Variants in CCDC28A observed in about 807,000 individuals in gnomAD.
CCDC28A encodes coiled-coil domain containing 28A.
In CCDC28A, 24 loss-of-function variants were observed where a neutral mutation model predicts 22.1. That is an observed-to-expected ratio of 1.09 (90% confidence interval 0.79 to 1.53). CCDC28A has a LOEUF of 1.53. Among genes scored for constraint, CCDC28A ranks in the 40% most tolerant of loss-of-function variants. The probability of loss-of-function intolerance (pLI) is 0.00; values close to 1 mark genes in which losing one functional copy is unlikely to be tolerated. For missense variants in CCDC28A, 170 were observed against 210.7 expected (o/e 0.81, Z 1.20); for synonymous variants, 83 against 74.7 (o/e 1.11, Z -0.57).
chr6:138,782,607 AAC>A (rs1407413257), intron 3 of CCDC28A, among the ~76,000 whole-genome samples: 1 of 152,192 alleles, frequency 6.6e-6, no homozygotes, highest in African/African-American at 2.4e-5. Context: ...TACATACATA[AAC>A]ACAAACATAC....
intron 4 of CCDC28A, among the ~76,000 whole-genome samples, chr6:138,786,887 A>T (rs1050027722): frequency 5.3e-5 from 8 of 152,218 alleles, no homozygotes; most frequent in African/African-American, 1.9e-4. Flanking sequence ...AAGTGCTGGG[A>T]TCACAAGTGT....
chr6:138,786,848 T>G (rs1422345227), intron 4 of CCDC28A, among the ~76,000 whole-genome samples: 1 of 152,226 alleles, frequency 6.6e-6, no homozygotes, highest in Non-Finnish European at 1.5e-5. Flanking sequence ...ACTCCTGGAC[T>G]CAAGTGATCC....
At position 138,773,797 on chromosome 6, in the gene CCDC28A, G is replaced by T; in HGVS notation, c.-148G>T. 1 of 1,613,940 alleles carries T rather than the reference G, an allele frequency of 6.2e-7. No individual in the cohort carries two copies. Among genetic ancestry groups the T allele is most frequent in the African/African-American group, 1.3e-5 (1 of 75,046 alleles). On this transcript the variant is annotated 5_prime_UTR_variant, in exon 1 of 6. Transcript: ENST00000617445. ...AACAAACGGAGCTGCGGAGGAGCGGGTCCCGGGATGTGACCGGGGCTCTGC... is the reference window on the plus strand; with the variant it reads ...AACAAACGGAGCTGCGGAGGAGCGGTTCCCGGGATGTGACCGGGGCTCTGC...
intron 3 of CCDC28A, among the ~76,000 whole-genome samples, chr6:138,781,356 A>G (rs184661205): frequency 6.6e-6 from 1 of 152,342 alleles, no homozygotes; most frequent in Admixed American, 6.5e-5. Context: ...GCCACCAAAC[A>G]CAATGGCATA....
chr6:138,789,941 G>GC (rs1290546662), intron 5 of CCDC28A, among the ~76,000 whole-genome samples: 1 of 152,112 alleles, frequency 6.6e-6, no homozygotes, highest in Non-Finnish European at 1.5e-5. Context: ...GTGGTGTTAT[G>GC]CCCCCCATTT....
At chr6:138,778,007 G>A (rs1302262052) in intron 2 of CCDC28A, among the ~76,000 whole-genome samples, 1 of 151,868 alleles carries the variant, frequency 6.6e-6, no homozygotes, top group Non-Finnish European at 1.5e-5. Flanking sequence ...ATGGGTCATG[G>A]GCAGCACTTT....
chr6:138,789,771 G>A (rs1775143581), intron 5 of CCDC28A, among the ~76,000 whole-genome samples: 1 of 152,210 alleles, frequency 6.6e-6, no homozygotes, highest in African/African-American at 2.4e-5. Flanking sequence ...GTTGCAGTAA[G>A]TAGGGATCCT....
At chr6:138,783,268 C>CTTTTTT (rs36017020) in intron 3 of CCDC28A, among the ~76,000 whole-genome samples, 3 of 113,618 alleles carry the variant, frequency 2.6e-5, no homozygotes, top group African/African-American at 6.6e-5. Context: ...CGTTATTGAA[C>CTTTTTT]TTTTTTTTTT....
chr6:138,781,353 A>G (rs1265419540), intron 3 of CCDC28A, among the ~76,000 whole-genome samples: 1 of 152,202 alleles, frequency 6.6e-6, no homozygotes, highest in African/African-American at 2.4e-5. Context: ...TGAGCCACCA[A>G]ACACAATGGC....
At chr6:138,792,499 GA>G (rs34409315) in intron 5 of CCDC28A, among the ~76,000 whole-genome samples, 40,628 of 151,474 alleles carry the variant, frequency 0.27, 6,116 homozygotes, top group African/African-American at 0.41. Flanking sequence ...TCCAGCCAGG[GA>G]AACAAAGTGA....
intron 2 of CCDC28A, among the ~76,000 whole-genome samples, chr6:138,779,424 G>C (rs1774984124): frequency 6.6e-6 from 1 of 152,142 alleles, no homozygotes; most frequent in Non-Finnish European, 1.5e-5. Context: ...CTACAGAGTA[G>C]GGACTCCAAA....
chr6:138,780,427 A>G (rs982868189), intron 3 of CCDC28A, among the ~76,000 whole-genome samples: 3 of 152,194 alleles, frequency 2.0e-5, no homozygotes, highest in Admixed American at 2.0e-4. Flanking sequence ...TCATGAGGAT[A>G]TAAGAATAGT....
intron 4 of CCDC28A, 60 bp from the exon 5 acceptor site, chr6:138,788,306 A>G: frequency 1.7e-6 from 1 of 585,426 alleles, no homozygotes; most frequent in Non-Finnish European, 2.8e-6. Flanking sequence ...AGAAATAGTT[A>G]ACAACTATTT....
Position 138,793,061 on chromosome 6 carries a change from C to T in CCDC28A, c.*258C>T, listed in dbSNP as rs1311762861. 6 of 440,446 alleles carry T rather than the reference C, an allele frequency of 1.4e-5. No homozygotes were observed. In the Admixed American group the frequency reaches 2.3e-4, roughly 17 times the overall value. 27.3% of individuals were successfully genotyped at this position (440,446 alleles called of 1,614,324 possible). On this transcript the variant is annotated 3_prime_UTR_variant, in exon 6 of 6. Coordinates refer to ENST00000617445, the MANE Select transcript of CCDC28A (RefSeq NM_015439.3). ...GTGCTGCTGTGCTTCATATTGTTGC[C>T]TTATGGGATTATACTTGAAATGCAT...
chr6:138,779,009 C>T (rs1222317393), intron 2 of CCDC28A, among the ~76,000 whole-genome samples: 2 of 152,174 alleles, frequency 1.3e-5, no homozygotes, highest in Non-Finnish European at 2.9e-5. Flanking sequence ...CTCAGGTGAT[C>T]CTCCTGCCTG....
At chr6:138,782,018 C>T (rs1775029383) in intron 3 of CCDC28A, among the ~76,000 whole-genome samples, 1 of 152,174 alleles carries the variant, frequency 6.6e-6, no homozygotes, top group Non-Finnish European at 1.5e-5. Flanking sequence ...TACCTCCTTG[C>T]TTTAGCCCAT....
chr6:138,773,850 C>A lies in CCDC28A; in HGVS notation c.-95C>A, dbSNP rs1774879030. The A allele has an allele frequency of 6.2e-7, 1 of 1,613,994 alleles. No individual in the cohort carries two copies. Among genetic ancestry groups the A allele is most frequent in the Admixed American group, 1.7e-5 (1 of 60,002 alleles). On this transcript the variant is annotated 5_prime_UTR_variant, in exon 1 of 6. The change creates a new upstream start codon in the 5' untranslated region. Coordinates refer to ENST00000617445, the MANE Select transcript of CCDC28A (RefSeq NM_015439.3). ...GTGGCTGCGGCGGTGGCTTCTGAGGCTGTCGGGTCTTTGCGGGTTGCGGAA... is the reference window on the plus strand; with the variant it reads ...GTGGCTGCGGCGGTGGCTTCTGAGGATGTCGGGTCTTTGCGGGTTGCGGAA...
At chr6:138,778,191 T>A (rs1262813768) in intron 2 of CCDC28A, among the ~76,000 whole-genome samples, 1 of 152,216 alleles carries the variant, frequency 6.6e-6, no homozygotes, top group African/African-American at 2.4e-5. Context: ...TATACCCTAT[T>A]TATCTTATTG....
intron 3 of CCDC28A, among the ~76,000 whole-genome samples, chr6:138,781,328 C>A (rs1775017823): frequency 6.6e-6 from 1 of 152,158 alleles, no homozygotes; most frequent in Non-Finnish European, 1.5e-5. Context: ...AGAGGCATTA[C>A]TTTGTTTCTC....
Sources: gnomAD v4.1 joint callset for allele counts (sites outside exome capture counted in the v4.1 genomes callset) on GRCh38, gnomAD v4.1.1 for gene constraint, MANE v1.5 for transcripts, NCBI Gene and HGNC (gene_info 2026-07-23, HGNC 2026-07-21) for gene names.